CADM2: variants seen among roughly 807,000 people sequenced by gnomAD.
CADM2 encodes immunoglobulin superfamily member 4D.
A neutral mutation model predicts 49.8 loss-of-function variants in CADM2; 12 were observed. The observed-to-expected ratio is 0.24, with a 90% CI of 0.15 to 0.39. The LOEUF (loss-of-function observed/expected upper bound fraction) is 0.39. CADM2 is among the 10% of genes least tolerant of loss of function. The pLI is 1.00. For synonymous variants in CADM2, 214 were observed against 175.4 expected (o/e 1.22, Z -1.74); for missense variants, 378 against 492.3 (o/e 0.77, Z 2.20).
chr3:85,828,128 T>C (rs969633903), intron 3 of CADM2: 1 of 151,844 alleles, frequency 6.6e-6, no homozygotes, highest in Non-Finnish European at 1.5e-5. Flanking sequence ...AAGAGGAAAA[T>C]TGAGGTTAGT....
chr3:85,156,092 AAGCTAGC>A (rs2040109279), intron 1 of CADM2, among the ~76,000 whole-genome samples: 1 of 152,204 alleles, frequency 6.6e-6, no homozygotes, highest in African/African-American at 2.4e-5. Flanking sequence ...ACACATTCAA[AAGCTAGC>A]AGAAGGCAAG....
At chr3:85,269,658 C>T (rs1197682338) in intron 1 of CADM2, among the ~76,000 whole-genome samples, 2 of 151,222 alleles carry the variant, frequency 1.3e-5, no homozygotes, top group Non-Finnish European at 3.0e-5. Context: ...ACTCCTACTC[C>T]AGGACTTGTC....
At position 85,897,241 on chromosome 3, in the gene CADM2, C is replaced by CTTTTT. The variant is rs752550127; in HGVS notation, c.529+10949_529+10953dup. Among the ~76,000 whole-genome samples, 260 of 45,924 alleles carry CTTTTT rather than the reference C, an allele frequency of 5.7e-3. 84 individuals carry two copies. Among genetic ancestry groups the CTTTTT allele is most frequent in the Non-Finnish European group, 6.7e-3 (147 of 21,888 alleles). The allele number at this position is 45,924 out of a possible 152,430, so 30.1% of individuals were successfully genotyped here. On this transcript the variant is annotated intron_variant, in intron 5 of 9. Transcript: ENST00000383699. Reference sequence around the variant, plus strand: ...CAACAATAATTGCTTTAACCTACATCTTTTTTTTTTTTTTTTTTTTTTTTT... The same window carrying CTTTTT: ...CAACAATAATTGCTTTAACCTACATCTTTTTTTTTTTTTTTTTTTTTTTTTTTTTT...
At chr3:85,595,817 A>C (rs1190655713) in intron 1 of CADM2, among the ~76,000 whole-genome samples, 1 of 152,026 alleles carries the variant, frequency 6.6e-6, no homozygotes, top group African/African-American at 2.4e-5. Flanking sequence ...TATCTTCATT[A>C]ACGAGATTTT....
In CADM2 at chr3:85,191,945, T is replaced by TTG. The variant is rs3085115; in HGVS notation, c.61+232301_61+232302dup. On this transcript the variant is annotated intron_variant, in intron 1 of 9. Coordinates refer to ENST00000383699, the MANE Select transcript of CADM2 (RefSeq NM_001167675.2). The stretch of plus-strand genomic sequence containing the variant: ...AATAGAGAGTAATAAGATGAAACAG[T>TTG]TGTGTGTGTGTGTGTGTGTGTGTGT... Among the ~76,000 whole-genome samples the TTG allele has an allele frequency of 5.7e-3, 848 of 149,094 alleles. 5 individuals carry two copies. The highest frequency in any genetic ancestry group is 0.014 in the African/African-American group (589 of 40,640).
At chr3:85,521,549 C>G (rs1375501858) in intron 1 of CADM2, among the ~76,000 whole-genome samples, 2 of 152,204 alleles carry the variant, frequency 1.3e-5, no homozygotes, top group South Asian at 4.1e-4. Context: ...GAAAGCAATT[C>G]TTTTCTGTAA....
intron 8 of CADM2, among the ~76,000 whole-genome samples, chr3:86,046,255 C>G (rs1736669859): frequency 6.6e-6 from 1 of 151,814 alleles, no homozygotes; most frequent in Admixed American, 6.6e-5. Context: ...TTACATGTGC[C>G]TTTTGTAAAC....
intron 1 of CADM2, among the ~76,000 whole-genome samples, chr3:85,712,588 G>T (rs1331018181): frequency 6.6e-6 from 1 of 152,086 alleles, no homozygotes; most frequent in East Asian, 1.9e-4. Flanking sequence ...CATATGACCT[G>T]AGTACTGTTA....
At chr3:85,105,529 A>G (rs2038182981) in intron 1 of CADM2, among the ~76,000 whole-genome samples, 1 of 152,202 alleles carries the variant, frequency 6.6e-6, no homozygotes, top group African/African-American at 2.4e-5. Context: ...TGTGGAAGTC[A>G]GTGTGGCAAT....
intron 1 of CADM2, among the ~76,000 whole-genome samples, chr3:85,632,950 C>T (rs1223551903): frequency 1.3e-5 from 2 of 151,652 alleles, no homozygotes; most frequent in Non-Finnish European, 2.9e-5. Flanking sequence ...AATAAAATAA[C>T]TTGAGTATTA....
At chr3:85,109,865 A>G (rs1409957201) in intron 1 of CADM2, among the ~76,000 whole-genome samples, 1 of 151,966 alleles carries the variant, frequency 6.6e-6, no homozygotes, top group Admixed American at 6.6e-5. Flanking sequence ...AAATTTTACT[A>G]TTGTTTATAA....
chr3:85,523,718 T>C (rs1050621084), intron 1 of CADM2, among the ~76,000 whole-genome samples: 1 of 152,110 alleles, frequency 6.6e-6, no homozygotes, highest in African/African-American at 2.4e-5. Context: ...TCATTTTTAC[T>C]GATTTTATTA....
At chr3:85,104,420 T>A (rs1343835728) in intron 1 of CADM2, among the ~76,000 whole-genome samples, 1 of 152,182 alleles carries the variant, frequency 6.6e-6, no homozygotes, top group African/African-American at 2.4e-5. Context: ...TCTGTTTTGG[T>A]ACCAGTACCA....
intron 1 of CADM2, among the ~76,000 whole-genome samples, chr3:85,170,072 A>G (rs761724148): frequency 2.3e-4 from 35 of 152,158 alleles, no homozygotes; most frequent in Non-Finnish European, 5.1e-4. Context: ...CCTACTATCT[A>G]GCTACTGTTG....
chr3:85,256,490 G>A (rs1252124502), intron 1 of CADM2, among the ~76,000 whole-genome samples: 2 of 152,022 alleles, frequency 1.3e-5, no homozygotes, highest in Non-Finnish European at 2.9e-5. Context: ...GAGGCCAAAG[G>A]GCGAAGCTAA....
chr3:85,888,056 A>G lies in CADM2; in HGVS notation c.529+1729A>G, dbSNP rs1199533319. 2.6e-5 allele frequency among the ~76,000 whole-genome samples: 4 copies of G among 152,192 alleles called. No homozygotes were observed. The East Asian group carries it at 7.7e-4, about 29-fold the overall frequency. On this transcript the variant is annotated intron_variant, in intron 5 of 9. Transcript: ENST00000383699. ...TGCACTTCTTAGATACAATCCTTCA[A>G]TGAATTACTTTATTACCTACATGTT...
intron 6 of CADM2, among the ~76,000 whole-genome samples, chr3:85,929,068 G>A (rs1025460992): frequency 6.6e-6 from 1 of 152,040 alleles, no homozygotes; most frequent in Non-Finnish European, 1.5e-5. Context: ...TCGTATTAAT[G>A]CATTTTTTCT....
At chr3:85,997,804 G>T (rs990313220) in intron 8 of CADM2, among the ~76,000 whole-genome samples, 1 of 152,108 alleles carries the variant, frequency 6.6e-6, no homozygotes, top group African/African-American at 2.4e-5. Context: ...TTTGCAGCAG[G>T]TTCTTTATAG....
chr3:85,477,695 T>C (rs1001534304), intron 1 of CADM2, among the ~76,000 whole-genome samples: 24 of 151,898 alleles, frequency 1.6e-4, no homozygotes, highest in African/African-American at 5.6e-4. Context: ...ACAGTTCTTT[T>C]AATGATCTTG....
Sources: gnomAD v4.1 joint callset for allele counts (sites outside exome capture counted in the v4.1 genomes callset) on GRCh38, gnomAD v4.1.1 for gene constraint, MANE v1.5 for transcripts, NCBI Gene and HGNC (gene_info 2026-07-23, HGNC 2026-07-21) for gene names.